EIF5B: variants seen among roughly 807,000 people sequenced by gnomAD.
EIF5B encodes eIF-5B.
EIF5B carries 47 observed loss-of-function variants against 147.5 expected under a neutral mutation model. The observed-to-expected ratio is 0.32, with a 90% CI of 0.25 to 0.41. The LOEUF (loss-of-function observed/expected upper bound fraction) is 0.41, where lower values mean the gene tolerates loss of function less well. Ranked by LOEUF, EIF5B falls within the 10% of genes least tolerant of loss-of-function variation. EIF5B has a pLI of 1.00. For synonymous variants in EIF5B, 455 were observed against 456.2 expected, an observed-to-expected ratio of 1.00 and a Z score of 0.03; for missense variants, 1,064 against 1,413.2, an observed-to-expected ratio of 0.75 and a Z score of 3.96.
chr2:99,362,378 G>C (rs138431231), intron 4 of EIF5B, among the ~76,000 whole-genome samples: 7 of 152,272 alleles, frequency 4.6e-5, no homozygotes, highest in Non-Finnish European at 7.3e-5. Flanking sequence ...CTAAAGATCA[G>C]ATGGTTTGCA....
chr2:99,382,168 G>C lies in EIF5B; in HGVS notation c.2071G>C (p.Glu691Gln). 1 of 1,612,742 alleles carries C rather than the reference G, an allele frequency of 6.2e-7. No individual in the cohort carries two copies. The highest frequency in any genetic ancestry group is 8.5e-7 in the Non-Finnish European group (1 of 1,179,248). ...QTKMIKNFDR[E>Q]NVRIPGMLII... ...TCCCCATTGTTTCTAGTTTGATAGA[G>C]AGAATGTACGGATTCCAGGAATGCT... Residue 691 changes from glutamate to glutamine, a missense_variant, in exon 13 of 24, where the codon GAG becomes CAG. Around this residue, in one of 4 missense-constraint regions of EIF5B, gnomAD observed 380 missense variants for 715.6 expected, o/e 0.53. Transcript: ENST00000289371.
chr2:99,379,039 TA>T lies in EIF5B; in HGVS notation c.1868del (p.Asn623MetfsTer2), dbSNP rs757379978. ...TCTAGAAACGGCGACTTGAACATAG[TA>T]AAAATGTAAACACCGAAAAGCTAAG... Reference protein sequence around the residue: ...RIEKRRLEHSKNVNTEKLRAP... With the variant: ...RIEKRRLEHSXNVNTEKLRAP... On this transcript the variant is annotated frameshift_variant, in exon 11 of 24. Transcript: ENST00000289371. LOFTEE classifies it high-confidence loss of function. 6.3e-7 allele frequency: 1 copy of T among 1,575,026 alleles called. No homozygotes were observed. Among genetic ancestry groups the T allele is most frequent in the African/African-American group, 1.4e-5 (1 of 73,034 alleles).
At chr2:99,364,613 A>G (rs1674289636) in intron 6 of EIF5B, among the ~76,000 whole-genome samples, 192 bp downstream of exon 6, 1 of 152,240 alleles carries the variant, frequency 6.6e-6, no homozygotes, top group South Asian at 2.1e-4. Flanking sequence ...ACATGAGGAT[A>G]AAAATTTATA....
In EIF5B at chr2:99,379,075, T is replaced by C. The variant is rs1559255621; in HGVS notation, c.1899T>C (p.Ile633=). ...ACACCGAAAAGCTAAGAGCCCCTAT[T>C]ATCTGCGTACTTGGGCATGTGGACA... The part of the protein sequence containing the change: ...NVNTEKLRAP[I]ICVLGHVDTG... The change falls in exon 11 of 24, where the codon ATT becomes ATC. Residue 633 remains isoleucine (I), a synonymous_variant. Transcript: ENST00000289371. The C allele has an allele frequency of 6.2e-7, 1 of 1,606,472 alleles. No individual in the cohort carries two copies. Among genetic ancestry groups the C allele is most frequent in the Non-Finnish European group, 8.5e-7 (1 of 1,177,156 alleles).
chr2:99,389,566 C>A, intron 14 of EIF5B, 152 bp from the exon 15 acceptor site: 1 of 578,200 alleles, frequency 1.7e-6, no homozygotes, highest in Non-Finnish European at 2.7e-6. Context: ...GATAAGCAGT[C>A]TGAAAGGAGC....
chr2:99,391,055 C>G (rs904324649), intron 17 of EIF5B, among the ~76,000 whole-genome samples: 2 of 152,210 alleles, frequency 1.3e-5, no homozygotes, highest in Non-Finnish European at 2.9e-5. Context: ...AAACTTAACT[C>G]CTAATAGCCT....
intron 8 of EIF5B, among the ~76,000 whole-genome samples, chr2:99,369,799 A>G (rs184957721): frequency 6.6e-6 from 1 of 151,968 alleles, no homozygotes; most frequent in East Asian, 1.9e-4. Context: ...ACACGGTGAA[A>G]CTCCATCTCT....
Position 99,379,270 on chromosome 2 carries a change from A to G in EIF5B, c.1951-48A>G, listed in dbSNP as rs184841042. 947 of 1,530,628 alleles carry G rather than the reference A, an allele frequency of 6.2e-4. 1 individual carries two copies. Among genetic ancestry groups the G allele is most frequent in the Admixed American group, 8.1e-4 (43 of 52,876 alleles). The allele number at this position is 1,530,628 out of a possible 1,614,324, so 94.8% of individuals were successfully genotyped here. On this transcript the variant is annotated intron_variant, in intron 11 of 23. Coordinates refer to ENST00000289371, the MANE Select transcript of EIF5B (RefSeq NM_015904.4). ...CTAATTTCTTATTATTTTTGCTGCT[A>G]TCTTTTCCATGTTCAAATACCAATC... is the stretch of plus-strand genomic sequence containing the variant.
intron 5 of EIF5B, 27 bp from the exon 6 acceptor site, chr2:99,364,244 T>G (rs766049685): frequency 3.2e-5 from 50 of 1,548,882 alleles, no homozygotes; most frequent in Admixed American, 6.5e-5. Flanking sequence ...TGAATACAGG[T>G]TTTGTCTGAC....
Position 99,360,330 on chromosome 2 carries a change from A to T in EIF5B, c.130A>T (p.Lys44Ter). The change falls in exon 2 of 24, where the codon AAG (lysine) becomes TAG (stop). Residue 44 changes from lysine to a stop codon, truncating the protein, a stop_gained. Coordinates refer to ENST00000289371, the MANE Select transcript of EIF5B (RefSeq NM_015904.4). LOFTEE classifies it high-confidence loss of function. Reference sequence around the variant, plus strand: ...GGAGCCTCAAAAGTCAAAAGGGAAAAAGAAAAAAGAGAAAAAAAAGCAGGA... The same window carrying T: ...GGAGCCTCAAAAGTCAAAAGGGAAATAGAAAAAAGAGAAAAAAAAGCAGGA... The part of the protein sequence containing the change: ...EQEPQKSKGK[K>*]KKEKKKQDFD... 6.2e-7 allele frequency: 1 copy of T among 1,609,932 alleles called. No homozygotes were observed.
intron 14 of EIF5B, chr2:99,389,512 G>A: frequency 2.9e-6 from 1 of 343,160 alleles, no homozygotes; most frequent in Non-Finnish European, 5.3e-6. Context: ...GGCTGACAGG[G>A]GCAGCATGGC....
At chr2:99,369,232 C>T (rs1386110958) in intron 7 of EIF5B, among the ~76,000 whole-genome samples, 160 bp from the exon 8 acceptor site, 2 of 152,148 alleles carry the variant, frequency 1.3e-5, no homozygotes, top group African/African-American at 4.8e-5. Flanking sequence ...TGAGATTGTA[C>T]CACTGCACTC....
intron 18 of EIF5B, among the ~76,000 whole-genome samples, 187 bp downstream of exon 18, chr2:99,393,285 T>C (rs1674972729): frequency 6.6e-6 from 1 of 152,188 alleles, no homozygotes. Context: ...ATTGGTATAA[T>C]TTTTATATGT....
At chr2:99,361,847 C>G (rs1182774189) in intron 4 of EIF5B, 27 bp downstream of exon 4, 3 of 1,491,638 alleles carry the variant, frequency 2.0e-6, no homozygotes, top group African/African-American at 1.4e-5. Context: ...GAGGAAAGAG[C>G]AAAAGGCTTT....
intron 14 of EIF5B, 24 bp downstream of exon 14, chr2:99,382,945 A>T: frequency 6.5e-7 from 1 of 1,545,672 alleles, no homozygotes; most frequent in Non-Finnish European, 8.7e-7. Flanking sequence ...CTGAAAAATT[A>T]ACCTAGGAAA....
intron 6 of EIF5B, among the ~76,000 whole-genome samples, chr2:99,366,799 G>C (rs1359973428): frequency 6.6e-6 from 1 of 152,138 alleles, no homozygotes; most frequent in Non-Finnish European, 1.5e-5. Context: ...TGAAAAAGGA[G>C]AACAAACTTA....
intron 14 of EIF5B, among the ~76,000 whole-genome samples, chr2:99,385,023 A>C (rs2104235625): frequency 6.6e-6 from 1 of 152,344 alleles, no homozygotes; most frequent in South Asian, 2.1e-4. Flanking sequence ...AGAATGCTCT[A>C]AGCAGCATTA....
At chr2:99,348,367 A>G (rs1033974306) in intron 1 of EIF5B, among the ~76,000 whole-genome samples, 4 of 152,302 alleles carry the variant, frequency 2.6e-5, no homozygotes, top group Admixed American at 2.6e-4. Flanking sequence ...TTGAGAGTGA[A>G]AACTGTTAAG....
rs1295045613 is a variant in EIF5B at position 99,400,041 on chromosome 2, C to T, written c.*627C>T. On this transcript the variant is annotated 3_prime_UTR_variant, in exon 24 of 24. Transcript: ENST00000289371. Reference sequence around the variant, plus strand: ...TCATCACAATTCTAAACCAAACTACCAATAAAGAAAACAGACATCCACCAG... The same window carrying T: ...TCATCACAATTCTAAACCAAACTACTAATAAAGAAAACAGACATCCACCAG... The T allele has an allele frequency of 6.6e-6, 1 of 151,934 alleles. No homozygotes were observed. Among genetic ancestry groups the T allele is most frequent in the Non-Finnish European group, 1.5e-5 (1 of 68,034 alleles). 9.4% of individuals were successfully genotyped at this position (151,934 alleles called of 1,614,324 possible).
Sources: allele counts gnomAD v4.1 joint callset (sites outside exome capture counted in the v4.1 genomes callset), GRCh38; gene constraint gnomAD v4.1.1; regional missense constraint gnomAD v4.1.1; transcripts MANE v1.5; gene names NCBI Gene and HGNC (gene_info 2026-07-23, HGNC 2026-07-21).